Variants in ITGA9 observed in about 807,000 individuals in gnomAD.
The protein encoded by ITGA9 is integrin subunit alpha 9.
In ITGA9, 56 loss-of-function variants were observed where a neutral mutation model predicts 127.8. The ratio of observed to expected loss-of-function variants is 0.44; its 90% CI spans 0.35 to 0.55. The LOEUF (loss-of-function observed/expected upper bound fraction) is 0.55, where lower values mean the gene tolerates loss of function less well. Among genes scored for constraint, ITGA9 ranks in the 20% least tolerant of loss-of-function variants. ITGA9 has a pLI of 0.00. For missense variants in ITGA9, 1,196 were observed against 1,347.1 expected (o/e 0.89, Z 1.76); for synonymous variants, 508 against 514.5 (o/e 0.99, Z 0.17).
chr3:37,778,516 G>A (rs985656755), intron 24 of ITGA9, among the ~76,000 whole-genome samples: 1 of 151,962 alleles, frequency 6.6e-6, no homozygotes, highest in African/African-American at 2.4e-5. Flanking sequence ...TACTAGGGAG[G>A]CTGAGGCAGG....
In ITGA9 at chr3:37,822,492, C is replaced by T. The variant is rs1224440011; in HGVS notation, c.*3503C>T. On this transcript the variant is annotated 3_prime_UTR_variant, in exon 28 of 28. Transcript: ENST00000264741. ...AGTGGCAACTGACAGGCATCCATTC[C>T]GAATAACTCAGCACTGAGGTTTCCT... 2.0e-5 allele frequency: 3 copies of T among 150,774 alleles called. No homozygotes were observed. The highest frequency in any genetic ancestry group is 4.5e-5 in the Non-Finnish European group (3 of 67,222). 9.3% of individuals were successfully genotyped at this position (150,774 alleles called of 1,614,324 possible). A position where few individuals can be genotyped will look rare whatever the true frequency, so the allele number is the denominator to read the frequency against.
intron 5 of ITGA9, 102 bp downstream of exon 5, chr3:37,494,670 G>C (rs950440153): frequency 1.3e-5 from 12 of 916,324 alleles, no homozygotes; most frequent in Non-Finnish European, 2.1e-5. Context: ...TGGAGTCCCA[G>C]ATACTTGAGC....
chr3:37,613,795 A>G (rs1237352330), intron 15 of ITGA9, among the ~76,000 whole-genome samples: 3 of 152,204 alleles, frequency 2.0e-5, no homozygotes, highest in African/African-American at 7.2e-5. Flanking sequence ...TCCTTTGCCC[A>G]CTTGTTGATG....
chr3:37,790,884 A>G (rs2125556669), intron 26 of ITGA9: 1 of 152,454 alleles, frequency 6.6e-6, no homozygotes, highest in South Asian at 2.1e-4. Context: ...GGGAAAATGC[A>G]GAAAGTGTTG....
intron 15 of ITGA9, among the ~76,000 whole-genome samples, chr3:37,557,252 T>G (rs1374518923): frequency 2.0e-5 from 3 of 152,250 alleles, no homozygotes; most frequent in Non-Finnish European, 4.4e-5. Context: ...GGGTCCTTCC[T>G]GCATTTTGTG....
chr3:37,810,535 C>T (rs1697354566), intron 27 of ITGA9, among the ~76,000 whole-genome samples: 2 of 152,144 alleles, frequency 1.3e-5, no homozygotes, highest in South Asian at 4.1e-4. Context: ...CCTGCCTCAG[C>T]CTCCTGTGTA....
At chr3:37,818,005 C>T (rs112375609) in intron 27 of ITGA9, among the ~76,000 whole-genome samples, 23 of 152,068 alleles carry the variant, frequency 1.5e-4, no homozygotes, top group South Asian at 6.2e-4. Context: ...GACCTGCAGA[C>T]GCTTTAAACA....
chr3:37,693,429 G>A (rs1261145861), intron 18 of ITGA9, among the ~76,000 whole-genome samples: 1 of 152,174 alleles, frequency 6.6e-6, no homozygotes, highest in Non-Finnish European at 1.5e-5. Context: ...TATGACAGAA[G>A]GCATCGAGGG....
At chr3:37,609,145 C>T (rs938915303) in intron 15 of ITGA9, among the ~76,000 whole-genome samples, 5 of 152,170 alleles carry the variant, frequency 3.3e-5, no homozygotes, top group African/African-American at 1.2e-4. Flanking sequence ...TTGCCCGCCT[C>T]TTCCATCAGG....
At chr3:37,683,081 C>G (rs1474298771) in intron 17 of ITGA9, among the ~76,000 whole-genome samples, 1 of 152,192 alleles carries the variant, frequency 6.6e-6, no homozygotes, top group Non-Finnish European at 1.5e-5. Flanking sequence ...CTGTGCTGGC[C>G]CTCAAGGCCC....
intron 22 of ITGA9, chr3:37,745,631 AG>A (rs1029789091): frequency 3.3e-5 from 5 of 152,222 alleles, no homozygotes; most frequent in African/African-American, 1.2e-4. Flanking sequence ...TGTAATGAAG[AG>A]GGTATGAGTG....
chr3:37,771,124 G>C (rs1188155147), intron 23 of ITGA9, among the ~76,000 whole-genome samples: 3 of 152,180 alleles, frequency 2.0e-5, no homozygotes, highest in African/African-American at 7.2e-5. Context: ...GAAGCATTTG[G>C]ACTCCGGTAG....
At chr3:37,634,012 A>G (rs1700253363) in intron 16 of ITGA9, among the ~76,000 whole-genome samples, 1 of 152,220 alleles carries the variant, frequency 6.6e-6, no homozygotes, top group Non-Finnish European at 1.5e-5. Context: ...ACAAATTAAA[A>G]TGTGATAAAA....
intron 26 of ITGA9, among the ~76,000 whole-genome samples, chr3:37,797,208 T>C (rs1278702595): frequency 7.2e-5 from 11 of 152,152 alleles, no homozygotes; most frequent in African/African-American, 2.4e-4. Context: ...GGTGTTTGCC[T>C]GTAGTCCCAG....
rs553990658 is a variant in ITGA9 at position 37,507,200 on chromosome 3, C to T, written c.828+1115C>T. Among the ~76,000 whole-genome samples, 5 of 152,204 alleles carry T rather than the reference C, an allele frequency of 3.3e-5. No individual in the cohort carries two copies. The South Asian group carries it at 8.3e-4, about 25-fold the overall frequency. ...GAGGAGGGATCAAGCAGGTGACCTT[C>T]GATCACCTCAAGAAAGAGGTGGTTC... On this transcript the variant is annotated intron_variant, in intron 7 of 27. Coordinates refer to ENST00000264741, the MANE Select transcript of ITGA9 (RefSeq NM_002207.3).
Position 37,472,730 on chromosome 3 carries a change from T to C in ITGA9, c.314-624T>C, listed in dbSNP as rs139745314. On this transcript the variant is annotated intron_variant, in intron 2 of 27. Transcript: ENST00000264741. ...TAATTATTTTTTAAATAAAGAGTTA[T>C]TGTGATTTTCTTTAGCAGAAAAAGA... 7.2e-3 allele frequency among the ~76,000 whole-genome samples: 1,097 copies of C among 152,266 alleles called. 42 individuals are homozygous for C. Among genetic ancestry groups the C allele is most frequent in the Admixed American group, 0.057 (872 of 15,292 alleles).
intron 18 of ITGA9, among the ~76,000 whole-genome samples, chr3:37,703,965 C>G (rs1294850506): frequency 6.6e-6 from 1 of 152,034 alleles, no homozygotes; most frequent in Non-Finnish European, 1.5e-5. Flanking sequence ...CCTACAAATA[C>G]CAGCTTCCTT....
At chr3:37,772,945 G>A (rs1292167129) in intron 23 of ITGA9, among the ~76,000 whole-genome samples, 9 of 152,128 alleles carry the variant, frequency 5.9e-5, no homozygotes, top group African/African-American at 1.7e-4. Flanking sequence ...AGAAACTCCC[G>A]GCGGGAGACA....
intron 15 of ITGA9, among the ~76,000 whole-genome samples, chr3:37,570,740 A>T (rs1699592034): frequency 6.6e-6 from 1 of 152,216 alleles, no homozygotes. Context: ...ATAATGGGAT[A>T]GAATAACTGC....
Sources: allele counts gnomAD v4.1 joint callset (sites outside exome capture counted in the v4.1 genomes callset), GRCh38; gene constraint gnomAD v4.1.1; transcripts MANE v1.5; gene names NCBI Gene and HGNC (gene_info 2026-07-23, HGNC 2026-07-21).